LIN9: variants seen among roughly 807,000 people sequenced by gnomAD.
LIN9 encodes the protein protein lin-9 homolog.
Under a neutral mutation model 78.0 loss-of-function variants are expected in LIN9, and 18 were observed. The observed-to-expected ratio is 0.23, with a 90% CI of 0.16 to 0.34. The LOEUF (loss-of-function observed/expected upper bound fraction) is 0.34. Among genes scored for constraint, LIN9 ranks in the 10% least tolerant of loss-of-function variants. LIN9 has a pLI of 1.00. For synonymous variants in LIN9, 192 were observed against 215.2 expected, an observed-to-expected ratio of 0.89 and a Z score of 0.94; for missense variants, 451 against 644.1, an observed-to-expected ratio of 0.70 and a Z score of 3.25.
chr1:226,282,035 T>C (rs1295013598), intron 6 of LIN9, among the ~76,000 whole-genome samples: 3 of 152,188 alleles, frequency 2.0e-5, no homozygotes. Context: ...CTTAGACATA[T>C]ACAATCAAAA....
intron 2 of LIN9, among the ~76,000 whole-genome samples, chr1:226,300,833 G>A (rs1662487020): frequency 6.6e-6 from 1 of 152,196 alleles, no homozygotes; most frequent in Non-Finnish European, 1.5e-5. Flanking sequence ...TCCAGCCTGG[G>A]CAACAGAGAG....
At chr1:226,254,884 C>T (rs1659084268) in intron 10 of LIN9, among the ~76,000 whole-genome samples, 1 of 144,144 alleles carries the variant, frequency 6.9e-6, no homozygotes, top group Admixed American at 7.2e-5. Context: ...ACACTCTTGC[C>T]TGGGCGACAG....
intron 11 of LIN9, among the ~76,000 whole-genome samples, chr1:226,241,917 T>C (rs1324212200): frequency 6.6e-6 from 1 of 152,044 alleles, no homozygotes; most frequent in East Asian, 1.9e-4. Context: ...ATTCCAACAC[T>C]AAACAGATAT....
At chr1:226,240,404 T>C (rs2102839843) in intron 11 of LIN9, among the ~76,000 whole-genome samples, 1 of 151,184 alleles carries the variant, frequency 6.6e-6, no homozygotes, top group South Asian at 2.1e-4. Flanking sequence ...TTTTTTTTTT[T>C]TGAGACAGGG....
chr1:226,245,923 TA>T (rs960458825), intron 11 of LIN9, among the ~76,000 whole-genome samples: 1 of 152,204 alleles, frequency 6.6e-6, no homozygotes. Flanking sequence ...ATTAGCTTGA[TA>T]AATATTCATC....
At chr1:226,249,925 C>T (rs1658722319) in intron 11 of LIN9, among the ~76,000 whole-genome samples, 1 of 152,078 alleles carries the variant, frequency 6.6e-6, no homozygotes, top group Admixed American at 6.6e-5. Flanking sequence ...GTGGCTCACA[C>T]CTGTAATCCC....
In LIN9 at chr1:226,261,202, G is replaced by T. The variant is rs956521488; in HGVS notation, c.1038+4331C>A. Among the ~76,000 whole-genome samples the T allele has an allele frequency of 2.0e-5, 3 of 151,264 alleles. No individual in the cohort carries two copies. In the East Asian group the frequency reaches 5.8e-4, roughly 29 times the overall value. ...TATCATACTTAATGGTGAGAAACTA[G>T]AAGTTTTCCCACTAAGATCAGGAAG... On this transcript the variant is annotated intron_variant, in intron 10 of 14. Transcript: ENST00000681046.
At chr1:226,244,522 ATAAC>A (rs1419364687) in intron 11 of LIN9, among the ~76,000 whole-genome samples, 5 of 152,212 alleles carry the variant, frequency 3.3e-5, no homozygotes, top group Non-Finnish European at 7.3e-5. Flanking sequence ...ACCATTAGAA[ATAAC>A]TAATACATTC....
intron 6 of LIN9, among the ~76,000 whole-genome samples, chr1:226,280,831 T>A (rs1558190411): frequency 6.6e-6 from 1 of 152,110 alleles, no homozygotes; most frequent in Non-Finnish European, 1.5e-5. Flanking sequence ...ACAACATCTT[T>A]TAGAAATCTT....
intron 2 of LIN9, among the ~76,000 whole-genome samples, chr1:226,298,625 C>A (rs1409490795): frequency 6.6e-6 from 1 of 152,152 alleles, no homozygotes; most frequent in Non-Finnish European, 1.5e-5. Flanking sequence ...CTTTGGGAGG[C>A]CGAGGTGGGT....
In LIN9 at chr1:226,277,969, T is replaced by A. The variant is rs1576328836; in HGVS notation, c.525-37A>T. The A allele has an allele frequency of 1.4e-6, 2 of 1,478,774 alleles. 1 individual carries two copies. The highest frequency in any genetic ancestry group is 2.8e-5 in the African/African-American group (2 of 70,658). 91.6% of individuals were successfully genotyped at this position (1,478,774 alleles called of 1,614,324 possible). ...TATAAAAAACATACAAACTGATAAC[T>A]ACCCCATATAAAAACTTAAAATCTT... is the stretch of plus-strand genomic sequence containing the variant. On this transcript the variant is annotated intron_variant, in intron 6 of 14. Coordinates refer to ENST00000681046, the MANE Select transcript of LIN9 (RefSeq NM_001366245.2).
At chr1:226,290,333 C>CTT (rs60478152) in intron 4 of LIN9, among the ~76,000 whole-genome samples, 16 of 136,746 alleles carry the variant, frequency 1.2e-4, no homozygotes, top group African/African-American at 2.7e-4. Flanking sequence ...GAGGCTATTT[C>CTT]TTTTTTTTTT....
At chr1:226,266,454 T>C in intron 8 of LIN9, 122 bp from the exon 9 acceptor site, 2 of 641,492 alleles carry the variant, frequency 3.1e-6, no homozygotes, top group South Asian at 3.8e-5. Flanking sequence ...ATAGAATTTA[T>C]TACTTATATA....
chr1:226,237,560 A>G (rs1657797757), intron 12 of LIN9, among the ~76,000 whole-genome samples: 1 of 147,014 alleles, frequency 6.8e-6, no homozygotes, highest in South Asian at 2.2e-4. Flanking sequence ...TGAACCTGGG[A>G]GGCAGAGGTT....
At position 226,293,517 on chromosome 1, in the gene LIN9, TA is replaced by T. The variant is rs59748819; in HGVS notation, c.264+2324del. 6.6e-3 allele frequency among the ~76,000 whole-genome samples: 1,005 copies of T among 152,356 alleles called. 14 individuals carry two copies. The highest frequency in any genetic ancestry group is 0.023 in the African/African-American group (944 of 41,574). ...TCAACCTTGTATACAACAGCTAACTTAGCCAAGAAATGCACACTGCATTTTA... is the reference window on the plus strand; with the variant it reads ...TCAACCTTGTATACAACAGCTAACTTGCCAAGAAATGCACACTGCATTTTA... On this transcript the variant is annotated intron_variant, in intron 4 of 14. Transcript: ENST00000681046.
intron 4 of LIN9, among the ~76,000 whole-genome samples, chr1:226,293,665 T>A (rs1452328791): frequency 6.6e-6 from 1 of 152,222 alleles, no homozygotes; most frequent in Admixed American, 6.5e-5. Context: ...CTGCAACCTC[T>A]GCCTCCCAGG....
intron 4 of LIN9, among the ~76,000 whole-genome samples, chr1:226,294,863 G>A (rs1353480185): frequency 6.6e-6 from 1 of 150,818 alleles, no homozygotes; most frequent in Non-Finnish European, 1.5e-5. Flanking sequence ...GCAGTGGCAT[G>A]ATCTCGGCTC....
At chr1:226,264,910 T>A (rs1263506723) in intron 10 of LIN9, among the ~76,000 whole-genome samples, 1 of 152,172 alleles carries the variant, frequency 6.6e-6, no homozygotes, top group Non-Finnish European at 1.5e-5. Flanking sequence ...GCCAAAGTAG[T>A]TTTCATTTTC....
chr1:226,250,467 C>T (rs1459911947), intron 11 of LIN9, among the ~76,000 whole-genome samples: 1 of 152,198 alleles, frequency 6.6e-6, no homozygotes, highest in African/African-American at 2.4e-5. Flanking sequence ...TGGGGCAATG[C>T]ACTGCCAATT....
Sources: allele counts gnomAD v4.1 joint callset (sites outside exome capture counted in the v4.1 genomes callset), GRCh38; gene constraint gnomAD v4.1.1; transcripts MANE v1.5; gene names NCBI Gene and HGNC (gene_info 2026-07-23, HGNC 2026-07-21).